Variants in NIPAL3 observed in about 807,000 individuals in gnomAD.
NIPAL3 encodes the protein NIPA like domain containing 3, also known as NIPA-like protein 3.
Under a neutral mutation model 47.2 loss-of-function variants are expected in NIPAL3, and 41 were observed. The ratio of observed to expected loss-of-function variants is 0.87; its 90% CI spans 0.68 to 1.13. The LOEUF is 1.13. Ranked by LOEUF, NIPAL3 falls within the 50% of genes most tolerant of loss-of-function variation. The pLI is 0.00. For missense variants in NIPAL3, 449 were observed against 530.1 expected (o/e 0.85, Z 1.50); for synonymous variants, 194 against 209.6 (o/e 0.93, Z 0.64).
intron 6 of NIPAL3, 105 bp from the exon 7 acceptor site, chr1:24,453,302 TC>T: frequency 1.4e-6 from 1 of 718,236 alleles, no homozygotes; most frequent in Non-Finnish European, 2.5e-6. Flanking sequence ...GCTCAGTCAT[TC>T]CCTTTCAACC....
rs1646115020 is a variant in NIPAL3, at chr1:24,454,695, C to A, written c.637+1191C>A. ...CATTTTGTCACCCCCAAAAGAAACC[C>A]TGTGCCCATTAGCAGTCACTCCCTG... On this transcript the variant is annotated intron_variant, in intron 7 of 11. Transcript: ENST00000374399. This position sits in a 1 kb window ranked among gnomAD's most constrained non-coding sequence, Gnocchi z 4.1. The A allele has an allele frequency of 2.5e-6, 1 of 392,342 alleles. No individual in the cohort carries two copies. Among genetic ancestry groups the A allele is most frequent in the African/African-American group, 2.2e-5 (1 of 45,846 alleles). The allele number at this position is 392,342 out of a possible 1,614,324, so 24.3% of individuals were successfully genotyped here.
At chr1:24,462,207 G>T (rs983579569) in intron 10 of NIPAL3, among the ~76,000 whole-genome samples, 5 of 152,134 alleles carry the variant, frequency 3.3e-5, no homozygotes, top group Admixed American at 2.6e-4. Context: ...CAGCATGGGG[G>T]TAACTGCTCC....
In NIPAL3 at chr1:24,464,426, A is replaced by T. The variant is rs563602864; in HGVS notation, c.1021+306A>T. 6.7e-5 allele frequency: 13 copies of T among 194,200 alleles called. No individual in the cohort carries two copies. The East Asian group carries it at 1.6e-3, about 24-fold the overall frequency. The allele number at this position is 194,200 out of a possible 1,614,324, so 12.0% of individuals were successfully genotyped here. A position where few individuals can be genotyped will look rare whatever the true frequency, so the allele number is the denominator to read the frequency against. On this transcript the variant is annotated intron_variant, in intron 11 of 11. Transcript: ENST00000374399. Reference sequence around the variant, plus strand: ...TTCATGCCTGCAAATGGAAAAATCCATTCATCTAGTTGGAATGAAATGATC... The same window carrying T: ...TTCATGCCTGCAAATGGAAAAATCCTTTCATCTAGTTGGAATGAAATGATC...
At chr1:24,463,427 C>A (rs1646564946) in intron 10 of NIPAL3, among the ~76,000 whole-genome samples, 3 of 152,138 alleles carry the variant, frequency 2.0e-5, no homozygotes, top group Admixed American at 2.0e-4. Context: ...CTGTCTTGAA[C>A]TGGTTGATGA....
intron 3 of NIPAL3, among the ~76,000 whole-genome samples, chr1:24,441,096 T>C (rs1645361032): frequency 2.0e-5 from 3 of 152,190 alleles, no homozygotes; most frequent in Admixed American, 2.0e-4. Flanking sequence ...ACTTGGTACC[T>C]GCTAACAGGA....
chr1:24,449,494 G>C lies in NIPAL3; in HGVS notation c.408G>C (p.Leu136Phe). 1 of 1,613,662 alleles carries C rather than the reference G, an allele frequency of 6.2e-7. No individual in the cohort carries two copies. The highest frequency in any genetic ancestry group is 1.1e-5 in the South Asian group (1 of 91,052). The change falls in exon 6 of 12, where the codon TTG becomes TTC. Residue 136 changes from leucine to phenylalanine, a missense_variant. By Grantham distance (22) the Leu-to-Phe change is conservative (BLOSUM62 0). Transcript: ENST00000374399. The surrounding 1 kb of genome is among the most constrained non-coding windows in gnomAD (Gnocchi z 4.5). ...TCTTCCCCGCAGGGCGCTACGTCTT[G>C]TCCTTTGTTGGCTGCGGTTTGGCTG... ...KPKDFLRRYV[L>F]SFVGCGLAVV...
In NIPAL3 at chr1:24,449,769, G is replaced by A. The variant is rs78459456; in HGVS notation, c.540+143G>A. On this transcript the variant is annotated intron_variant, in intron 6 of 11. Coordinates refer to ENST00000374399, the MANE Select transcript of NIPAL3 (RefSeq NM_020448.5). This position sits in a 1 kb window ranked among gnomAD's most constrained non-coding sequence, Gnocchi z 4.5. ...GCATGAAAGACCGTGCTTCTGGAGA[G>A]TACACAGCTCATGGCGAAATGCTTG... The A allele has an allele frequency of 1.2e-6, 1 of 842,318 alleles. No homozygotes were observed. Among genetic ancestry groups the A allele is most frequent in the Non-Finnish European group, 1.8e-6 (1 of 561,568 alleles). 52.2% of individuals were successfully genotyped at this position (842,318 alleles called of 1,614,324 possible). A position where few individuals can be genotyped will look rare whatever the true frequency, so the allele number is the denominator to read the frequency against.
chr1:24,466,283 A>G (rs1005560576), intron 11 of NIPAL3: 2 of 451,208 alleles, frequency 4.4e-6, no homozygotes, highest in Admixed American at 3.9e-5. Flanking sequence ...TGGAATGGGA[A>G]GAAAAGGGTT....
chr1:24,452,578 C>CA (rs1557522328), intron 6 of NIPAL3, among the ~76,000 whole-genome samples: 1 of 152,210 alleles, frequency 6.6e-6, no homozygotes, highest in African/African-American at 2.4e-5. Flanking sequence ...CCCAAGGCCA[C>CA]ACGACTAGTT....
chr1:24,419,011 C>T (rs991280915), intron 1 of NIPAL3, among the ~76,000 whole-genome samples: 1 of 148,902 alleles, frequency 6.7e-6, no homozygotes, highest in Non-Finnish European at 1.5e-5. Flanking sequence ...AGTTAGGGTG[C>T]GATGGGAGGA....
intron 7 of NIPAL3, among the ~76,000 whole-genome samples, chr1:24,453,780 T>C (rs1557524242): frequency 1.3e-5 from 2 of 152,082 alleles, no homozygotes; most frequent in South Asian, 2.1e-4. Flanking sequence ...ACAATTCCAA[T>C]GAGGAAGAAT....
rs889315294 is a variant in NIPAL3, at chr1:24,460,495, C to T, written c.877C>T (p.Leu293=). The change falls in exon 10 of 12, where the codon CTG becomes TTG. Residue 293 remains leucine, a synonymous_variant. Coordinates refer to ENST00000374399, the MANE Select transcript of NIPAL3 (RefSeq NM_020448.5). ...IAITAGAIFY[L]DFIGEDVLHI... is the part of the protein sequence containing the mutation. ...TGCTGCTGCAGGTGCAATATTTTACCTGGACTTCATCGGGGAGGACGTGCT... is the reference window on the plus strand; with the variant it reads ...TGCTGCTGCAGGTGCAATATTTTACTTGGACTTCATCGGGGAGGACGTGCT... The T allele has an allele frequency of 6.3e-7, 1 of 1,587,078 alleles. No homozygotes were observed. The highest frequency in any genetic ancestry group is 8.5e-7 in the Non-Finnish European group (1 of 1,169,618).
At chr1:24,464,414 ATGG>A in intron 11 of NIPAL3, 1 of 205,020 alleles carries the variant, frequency 4.9e-6, no homozygotes, top group Middle Eastern at 1.8e-3. Context: ...ATGCCTGCAA[ATGG>A]AAAAATCCAT....
At chr1:24,452,928 C>T (rs1646013442) in intron 6 of NIPAL3, among the ~76,000 whole-genome samples, 1 of 150,506 alleles carries the variant, frequency 6.6e-6, no homozygotes, top group Non-Finnish European at 1.5e-5. Context: ...TCTCGAACTC[C>T]TGACTTCAGG....
chr1:24,436,865 ACATCTACTC>A (rs1216761909), intron 2 of NIPAL3, among the ~76,000 whole-genome samples: 1 of 152,188 alleles, frequency 6.6e-6, no homozygotes, highest in East Asian at 1.9e-4. Context: ...AGGGAAAAGT[ACATCTACTC>A]CATCTTCCCA....
In NIPAL3 at chr1:24,449,392, G is replaced by C; in HGVS notation, c.395-89G>C. Reference sequence around the variant, plus strand: ...AATACCAGGTCATGGTATGTTGCAGGAGAAGCCTGTTTTTTCATGGCTGAG... The same window carrying C: ...AATACCAGGTCATGGTATGTTGCAGCAGAAGCCTGTTTTTTCATGGCTGAG... On this transcript the variant is annotated intron_variant, in intron 5 of 11. Transcript: ENST00000374399. The surrounding 1 kb of genome is among the most constrained non-coding windows in gnomAD (Gnocchi z 4.5). The C allele has an allele frequency of 7.1e-7, 1 of 1,417,672 alleles. No individual in the cohort carries two copies. The highest frequency in any genetic ancestry group is 2.6e-4 in the Middle Eastern group (1 of 3,806). The allele number at this position is 1,417,672 out of a possible 1,614,324, so 87.8% of individuals were successfully genotyped here.
upstream of NIPAL3, chr1:24,413,638 T>G (rs1643860199): frequency 6.6e-6 from 1 of 152,176 alleles, no homozygotes; most frequent in Admixed American, 6.5e-5. Context: ...CCCCACGACC[T>G]CAGGGACCGG....
intron 2 of NIPAL3, among the ~76,000 whole-genome samples, chr1:24,430,462 C>A (rs1024537958): frequency 1.3e-4 from 20 of 152,154 alleles, no homozygotes; most frequent in Admixed American, 1.0e-3. Flanking sequence ...GTTGGCCAGG[C>A]TGTTCCTGAA....
chr1:24,456,856 G>T (rs541784523), intron 8 of NIPAL3, among the ~76,000 whole-genome samples: 143 of 152,240 alleles, frequency 9.4e-4, no homozygotes, highest in African/African-American at 3.4e-3. Context: ...TCTGCCTCTG[G>T]GGTTCAAGCG....
Sources: allele counts gnomAD v4.1 joint callset (sites outside exome capture counted in the v4.1 genomes callset), GRCh38; gene constraint gnomAD v4.1.1; non-coding constraint Gnocchi (gnomAD v3.1); transcripts MANE v1.5; gene names NCBI Gene and HGNC (gene_info 2026-07-23, HGNC 2026-07-21).